EIF3M: variants seen among roughly 807,000 people sequenced by gnomAD.
EIF3M encodes eukaryotic translation initiation factor 3 subunit M, also known as B5 receptor.
A neutral mutation model predicts 49.7 loss-of-function variants in EIF3M; 25 were observed. The observed-to-expected ratio is 0.50, with a 90% CI of 0.37 to 0.70. EIF3M has a LOEUF of 0.70. Among genes scored for constraint, EIF3M ranks in the 30% least tolerant of loss-of-function variants. EIF3M has a pLI of 0.00. For missense variants in EIF3M, 350 were observed against 440.0 expected (o/e 0.80, Z 1.83); for synonymous variants, 156 against 149.8 (o/e 1.04, Z -0.30).
chr11:32,588,279 C>T (rs1477773605), intron 2 of EIF3M, among the ~76,000 whole-genome samples: 1 of 150,366 alleles, frequency 6.7e-6, no homozygotes, highest in African/African-American at 2.4e-5. Flanking sequence ...GTCCCAGCTA[C>T]TTGGGAGGCT....
At chr11:32,596,593 T>C (rs1437723111) in intron 8 of EIF3M, among the ~76,000 whole-genome samples, 1 of 109,964 alleles carries the variant, frequency 9.1e-6, no homozygotes, top group African/African-American at 3.6e-5. Flanking sequence ...AGAGCAAGAG[T>C]CTGTCTCAAA....
In EIF3M at chr11:32,583,870, T is replaced by C. The variant is rs1293347656; in HGVS notation, c.-18T>C. 3 of 1,611,898 alleles carry C rather than the reference T, an allele frequency of 1.9e-6. No individual in the cohort carries two copies. The highest frequency in any genetic ancestry group is 2.2e-5 in the East Asian group (1 of 44,796). On this transcript the variant is annotated 5_prime_UTR_variant, in exon 1 of 11. Coordinates refer to ENST00000531120, the MANE Select transcript of EIF3M (RefSeq NM_006360.6). ...GTGGTCTTGCGAGTGGAGTGTCCGC[T>C]GTGCCCGGGCCTGCACCATGAGCGT...
chr11:32,587,308 T>C (rs1855016490), intron 2 of EIF3M, among the ~76,000 whole-genome samples, 164 bp downstream of exon 2: 1 of 152,236 alleles, frequency 6.6e-6, no homozygotes. Flanking sequence ...TACAGGACTT[T>C]TAAATAGATA....
chr11:32,597,735 A>G (rs1390399801), intron 8 of EIF3M, among the ~76,000 whole-genome samples: 1 of 152,232 alleles, frequency 6.6e-6, no homozygotes, highest in Non-Finnish European at 1.5e-5. Context: ...ACTGGAGTCA[A>G]CTGTGAAACT....
chr11:32,594,772 TC>T (rs367720653), intron 6 of EIF3M, 141 bp from the exon 7 acceptor site: 21 of 616,862 alleles, frequency 3.4e-5, no homozygotes, highest in East Asian at 3.2e-4. Flanking sequence ...CTTAACCCAA[TC>T]CTGTAGCTTT....
chr11:32,592,913 C>T, intron 5 of EIF3M: 1 of 246,732 alleles, frequency 4.1e-6, no homozygotes, highest in Non-Finnish European at 8.0e-6. Flanking sequence ...TCAAGCAAGC[C>T]TCCTTAGTAG....
chr11:32,588,638 C>G lies in EIF3M; in HGVS notation c.220C>G (p.Leu74Val), dbSNP rs1338718038. ...MNSVVSLLLI[L>V]EPDKQEALIE... ...CAGTGTGGTATCCCTACTCTTGATCCTGGAACCAGACAAGCAAGAAGCTTT... is the reference window on the plus strand; with the variant it reads ...CAGTGTGGTATCCCTACTCTTGATCGTGGAACCAGACAAGCAAGAAGCTTT... The change falls in exon 3 of 11, where the codon CTG (leucine) becomes GTG (valine). Residue 74 changes from leucine (L) to valine (V), a missense_variant. Physicochemically the swap from Leu to Val is conservative, Grantham distance 32. Transcript: ENST00000531120. 3 of 1,614,172 alleles carry G rather than the reference C, an allele frequency of 1.9e-6. No individual in the cohort carries two copies. Among genetic ancestry groups the G allele is most frequent in the African/African-American group, 1.3e-5 (1 of 75,046 alleles).
intron 3 of EIF3M, 89 bp downstream of exon 3, chr11:32,588,821 C>T (rs1365377678): frequency 2.5e-6 from 4 of 1,580,082 alleles, no homozygotes; most frequent in Non-Finnish European, 3.4e-6. Flanking sequence ...AATTCTGGAA[C>T]TTGACTCTCA....
intron 5 of EIF3M, 51 bp downstream of exon 5, chr11:32,589,692 G>A (rs770999787): frequency 6.5e-7 from 1 of 1,542,506 alleles, no homozygotes; most frequent in South Asian, 1.1e-5. Context: ...GTATAAGTAG[G>A]TGGGGATGTT....
chr11:32,592,891 G>T, intron 5 of EIF3M: 1 of 251,898 alleles, frequency 4.0e-6, no homozygotes, highest in South Asian at 4.5e-5. Flanking sequence ...TTACAGCCTT[G>T]AATTCCTGGG....
In EIF3M at chr11:32,589,031, G is replaced by A. The variant is rs755915170; in HGVS notation, c.334G>A (p.Gly112Arg). 5 of 1,613,502 alleles carry A rather than the reference G, an allele frequency of 3.1e-6. No homozygotes were observed. Among genetic ancestry groups the A allele is most frequent in the Middle Eastern group, 1.6e-4 (1 of 6,084 alleles). ...AACCAGGTTAAGCAACCTTTTCCAC[G>A]GGATGGATAAGAATACTCCTGTAAG... ...RLQLLSNLFH[G>R]MDKNTPVRYT... The change falls in exon 4 of 11, where the codon GGG (glycine) becomes AGG (arginine). Residue 112 changes from glycine to arginine, a missense_variant. Gly to Arg is a moderately radical substitution (Grantham distance 125). Transcript: ENST00000531120.
At position 32,603,331 on chromosome 11, in the gene EIF3M, T is replaced by G. The variant is rs1855301976; in HGVS notation, c.*932T>G. The G allele has an allele frequency of 4.2e-6, 1 of 238,000 alleles. No individual in the cohort carries two copies. Among genetic ancestry groups the G allele is most frequent in the East Asian group, 8.4e-5 (1 of 11,876 alleles). The allele number at this position is 238,000 out of a possible 1,614,324, so 14.7% of individuals were successfully genotyped here. ...GAAGGGCAGTGAGATATTTGGAAGTTGGCATGTTTTCAAGACACTGTATTG... is the reference window on the plus strand; with the variant it reads ...GAAGGGCAGTGAGATATTTGGAAGTGGGCATGTTTTCAAGACACTGTATTG... On this transcript the variant is annotated 3_prime_UTR_variant, in exon 11 of 11. Transcript: ENST00000531120.
intron 5 of EIF3M, 62 bp from the exon 6 acceptor site, chr11:32,593,804 A>AT: frequency 9.2e-7 from 1 of 1,091,446 alleles, no homozygotes; most frequent in Non-Finnish European, 1.2e-6. Context: ...CCTCTTAAAA[A>AT]TATTTTAAAT....
intron 5 of EIF3M, among the ~76,000 whole-genome samples, chr11:32,593,261 C>T (rs553782141): frequency 6.6e-6 from 1 of 152,220 alleles, no homozygotes; most frequent in South Asian, 2.1e-4. Context: ...TCTAAAAGTC[C>T]AGTTTGAATG....
In EIF3M at chr11:32,589,115, A is replaced by G. The variant is rs1855052250; in HGVS notation, c.418A>G (p.Ile140Val). ...VAASCGAIQY[I>V]PTELDQVRKW... is the part of the protein sequence containing the mutation. ...AGCATCTTGTGGGGCCATCCAGTAC[A>G]TCCCAACTGAGCTGGATCAAGTGAG... The change falls in exon 4 of 11, where the codon ATC becomes GTC. Residue 140 changes from isoleucine to valine, a missense_variant. By Grantham distance (29) the Ile-to-Val change is conservative. Coordinates refer to ENST00000531120, the MANE Select transcript of EIF3M (RefSeq NM_006360.6). The G allele has an allele frequency of 6.2e-6, 10 of 1,614,078 alleles. No homozygotes were observed. The East Asian group carries it at 1.3e-4, about 22-fold the overall frequency.
rs1432050497 is a variant in EIF3M, at chr11:32,588,337, C to T, written c.176-257C>T. ...CTGGGAGGCGGAGGTTGCAGTGAGC[C>T]GAGATCGCACCACTGCACCCCAGCC... is the stretch of plus-strand genomic sequence containing the variant. On this transcript the variant is annotated intron_variant, in intron 2 of 10. Coordinates refer to ENST00000531120, the MANE Select transcript of EIF3M (RefSeq NM_006360.6). Among the ~76,000 whole-genome samples the T allele has an allele frequency of 3.4e-5, 5 of 145,444 alleles. No individual in the cohort carries two copies. In the East Asian group the frequency reaches 1.0e-3, roughly 30 times the overall value.
At chr11:32,601,501 T>TTAA in intron 9 of EIF3M, 6 of 216,450 alleles carry the variant, frequency 2.8e-5, no homozygotes, top group Admixed American at 1.1e-4. Context: ...TAGCATTCTT[T>TTAA]AAAAAAAAAA....
At position 32,605,551 on chromosome 11, in the gene EIF3M, G is replaced by A. The variant is rs1429564538; in HGVS notation, c.*3152G>A. On this transcript the variant is annotated 3_prime_UTR_variant, in exon 11 of 11. Coordinates refer to ENST00000531120, the MANE Select transcript of EIF3M (RefSeq NM_006360.6). ...GTGCTGGGTTCATTTTGGTGTATTT[G>A]GCATCCAAGTACAAATTAACAGTTT... The A allele has an allele frequency of 6.6e-6, 1 of 152,030 alleles. No individual in the cohort carries two copies. The highest frequency in any genetic ancestry group is 2.4e-5 in the African/African-American group (1 of 41,382). 9.4% of individuals were successfully genotyped at this position (152,030 alleles called of 1,614,324 possible).
intron 6 of EIF3M, chr11:32,594,562 G>A (rs1345470404): frequency 5.5e-6 from 1 of 182,778 alleles, no homozygotes; most frequent in Non-Finnish European, 1.1e-5. Context: ...AGGGGGCAGA[G>A]TAATACTGTT....
Sources: gnomAD v4.1 joint callset for allele counts (sites outside exome capture counted in the v4.1 genomes callset) on GRCh38, gnomAD v4.1.1 for gene constraint, MANE v1.5 for transcripts, NCBI Gene and HGNC (gene_info 2026-07-23, HGNC 2026-07-21) for gene names.